The following SLC12A8 variants were observed in gnomAD, a reference collection of about 807,000 sequenced individuals.
The protein encoded by SLC12A8 is solute carrier family 12 member 8.
In SLC12A8, 69 loss-of-function variants were observed where a neutral mutation model predicts 75.6. The observed-to-expected ratio is 0.91, with a 90% CI of 0.75 to 1.11. The LOEUF (loss-of-function observed/expected upper bound fraction) is 1.11. Among genes scored for constraint, SLC12A8 ranks in the 50% most tolerant of loss-of-function variants. SLC12A8 has a pLI of 0.00. For synonymous variants in SLC12A8, 365 were observed against 372.8 expected, an observed-to-expected ratio of 0.98 and a Z score of 0.24; for missense variants, 877 against 896.7, an observed-to-expected ratio of 0.98 and a Z score of 0.28.
intron 5 of SLC12A8, 104 bp from the exon 6 acceptor site, chr3:125,135,886 G>T (rs1031586394): frequency 4.7e-6 from 3 of 634,196 alleles, no homozygotes; most frequent in South Asian, 2.9e-5. Flanking sequence ...ATATTGGAAA[G>T]GTAGGGGCAT....
At chr3:125,126,078 T>A in intron 6 of SLC12A8, 1 of 201,342 alleles carries the variant, frequency 5.0e-6, no homozygotes, top group Non-Finnish European at 8.9e-6. Context: ...CTGTCTGGTC[T>A]GCACACTGTT....
intron 5 of SLC12A8, among the ~76,000 whole-genome samples, chr3:125,170,356 T>C (rs1188570486): frequency 6.6e-6 from 1 of 152,258 alleles, no homozygotes; most frequent in Non-Finnish European, 1.5e-5. Flanking sequence ...ATATTTATGA[T>C]AGCAACAAAC....
chr3:125,165,275 G>T lies in SLC12A8; in HGVS notation c.622+12468C>A, dbSNP rs528268052. On this transcript the variant is annotated intron_variant, in intron 5 of 13. Coordinates refer to ENST00000469902, the MANE Select transcript of SLC12A8 (RefSeq NM_024628.6). ...GTGTTTCCTCTTAGTACCTCTGTGGGCAGTGAGGAAGGGTTGAGCCCGCTG... is the reference window on the plus strand; with the variant it reads ...GTGTTTCCTCTTAGTACCTCTGTGGTCAGTGAGGAAGGGTTGAGCCCGCTG... Among the ~76,000 whole-genome samples the T allele has an allele frequency of 3.9e-3, 601 of 152,320 alleles. 1 individual carries two copies. Among genetic ancestry groups the T allele is most frequent in the South Asian group, 6.4e-3 (31 of 4,820 alleles).
intron 10 of SLC12A8, among the ~76,000 whole-genome samples, chr3:125,106,386 G>A (rs1383741110): frequency 1.3e-5 from 2 of 150,716 alleles, no homozygotes; most frequent in Admixed American, 6.6e-5. Flanking sequence ...GTTTTGAGAT[G>A]GAGTCTCACT....
intron 4 of SLC12A8, among the ~76,000 whole-genome samples, chr3:125,181,982 T>C (rs1055109528): frequency 2.0e-5 from 3 of 151,298 alleles, no homozygotes; most frequent in Non-Finnish European, 4.4e-5. Context: ...AGTCCAGGAG[T>C]TCAAGACCAG....
intron 2 of SLC12A8, among the ~76,000 whole-genome samples, chr3:125,199,936 G>T (rs1007383245): frequency 1.3e-5 from 2 of 152,054 alleles, no homozygotes; most frequent in African/African-American, 2.4e-5. Flanking sequence ...TGGGAAACAG[G>T]AAGTAAAATG....
chr3:125,106,852 G>C (rs994167273), intron 10 of SLC12A8, among the ~76,000 whole-genome samples: 1 of 152,120 alleles, frequency 6.6e-6, no homozygotes, highest in Non-Finnish European at 1.5e-5. Flanking sequence ...TGGACACAAG[G>C]TCTTACTTGT....
chr3:125,097,563 TGTGTGTGTGTGTGTG>T (rs1938749445), intron 10 of SLC12A8, among the ~76,000 whole-genome samples: 1 of 99,640 alleles, frequency 1.0e-5, no homozygotes, highest in African/African-American at 3.2e-5. Flanking sequence ...TGTGTGTGTG[TGTGTGTGTGTGTGTG>T]TTCTGAGGAA....
intron 5 of SLC12A8, among the ~76,000 whole-genome samples, chr3:125,166,740 A>G (rs1934299437): frequency 6.6e-6 from 1 of 152,284 alleles, no homozygotes; most frequent in South Asian, 2.1e-4. Context: ...ATGCATTAAC[A>G]TGGATAAATT....
intron 2 of SLC12A8, among the ~76,000 whole-genome samples, chr3:125,195,730 C>A (rs891531032): frequency 1.3e-5 from 2 of 152,046 alleles, no homozygotes; most frequent in African/African-American, 4.8e-5. Flanking sequence ...ACTTTGATGC[C>A]GAAGTTCTGC....
chr3:125,120,813 C>A (rs1281317310), intron 6 of SLC12A8, 127 bp from the exon 7 acceptor site: 1 of 737,864 alleles, frequency 1.4e-6, no homozygotes, highest in Admixed American at 2.0e-5. Context: ...CCTCCAGCTG[C>A]AGCTCTGCGC....
At chr3:125,190,011 G>A (rs559339851) in intron 3 of SLC12A8, among the ~76,000 whole-genome samples, 23 of 152,200 alleles carry the variant, frequency 1.5e-4, no homozygotes, top group African/African-American at 5.1e-4. Flanking sequence ...CCATGTGGGC[G>A]GGCCCAAGAT....
At chr3:125,147,301 T>C (rs532191277) in intron 5 of SLC12A8, among the ~76,000 whole-genome samples, 70 of 152,316 alleles carry the variant, frequency 4.6e-4, no homozygotes, top group African/African-American at 1.7e-3. Flanking sequence ...CGGGCTGCCC[T>C]GGGCTACTGC....
At chr3:125,200,209 G>A (rs1260996134) in intron 2 of SLC12A8, among the ~76,000 whole-genome samples, 1 of 152,180 alleles carries the variant, frequency 6.6e-6, no homozygotes, top group African/African-American at 2.4e-5. Context: ...AGCACTTTGG[G>A]AGGCCCAGGC....
chr3:125,105,410 G>T (rs1938998339), intron 10 of SLC12A8, among the ~76,000 whole-genome samples: 1 of 152,268 alleles, frequency 6.6e-6, no homozygotes, highest in African/African-American at 2.4e-5. Flanking sequence ...CCATAGGACA[G>T]AGGGGAAAAA....
intron 10 of SLC12A8, among the ~76,000 whole-genome samples, chr3:125,103,940 CA>C (rs1938954732): frequency 6.7e-6 from 1 of 148,702 alleles, no homozygotes; most frequent in Non-Finnish European, 1.5e-5. Context: ...GCGAGTGCTT[CA>C]CTTTTAAGTA....
At chr3:125,135,638 T>G in intron 6 of SLC12A8, 31 bp downstream of exon 6, 5 of 1,451,406 alleles carry the variant, frequency 3.4e-6, no homozygotes, top group Non-Finnish European at 4.7e-6. Context: ...ACCCCTAATT[T>G]GAGAGTAAAA....
At chr3:125,152,163 G>A (rs763740012) in intron 5 of SLC12A8, among the ~76,000 whole-genome samples, 3 of 152,178 alleles carry the variant, frequency 2.0e-5, no homozygotes, top group Non-Finnish European at 2.9e-5. Flanking sequence ...CAGTTACTGG[G>A]GCAGAGAAAG....
chr3:125,210,914 T>C (rs2107808200), intron 2 of SLC12A8, among the ~76,000 whole-genome samples: 1 of 152,290 alleles, frequency 6.6e-6, no homozygotes, highest in Middle Eastern at 3.4e-3. Flanking sequence ...TCAGAAATCC[T>C]TTTGGCTTCA....
Sources: gnomAD v4.1 joint callset for allele counts (sites outside exome capture counted in the v4.1 genomes callset) on GRCh38, gnomAD v4.1.1 for gene constraint, MANE v1.5 for transcripts, NCBI Gene and HGNC (gene_info 2026-07-23, HGNC 2026-07-21) for gene names.